The following NBAS variants were observed in gnomAD, a reference collection of about 807,000 sequenced individuals.
NBAS encodes NAG/BC035112 fusion.
A neutral mutation model predicts 302.5 loss-of-function variants in NBAS; 219 were observed. The observed-to-expected ratio is 0.72, with a 90% confidence interval of 0.65 to 0.81. The LOEUF (loss-of-function observed/expected upper bound fraction) is 0.81, where lower values mean the gene tolerates loss of function less well. NBAS is among the 30% of genes least tolerant of loss of function. NBAS has a pLI of 0.00. For missense variants in NBAS, 2,932 were observed against 2,841.6 expected (o/e 1.03, Z -0.72); for synonymous variants, 1,118 against 1,021.6 (o/e 1.09, Z -1.80).
the NBAS span, among the ~76,000 whole-genome samples, chr2:14,879,009 C>G: frequency 6.6e-6 from 1 of 152,156 alleles, no homozygotes; most frequent in African/African-American, 2.4e-5. Context: ...TCACTATATC[C>G]ATAGTTTTCA....
intron 11 of NBAS, among the ~76,000 whole-genome samples, chr2:15,497,322 T>C (rs1317695785): frequency 6.6e-6 from 1 of 152,244 alleles, no homozygotes; most frequent in Non-Finnish European, 1.5e-5. Flanking sequence ...ACTGATTAAG[T>C]ATCTGCTAAT....
chr2:15,186,719 A>C (rs1338766837), intron 50 of NBAS, 23 bp downstream of exon 50: 3 of 1,613,718 alleles, frequency 1.9e-6, no homozygotes, highest in Non-Finnish European at 2.5e-6. Flanking sequence ...CTCCTTAGGA[A>C]AGCACTCAAA....
chr2:14,795,034 G>T, the NBAS span, among the ~76,000 whole-genome samples: 1 of 151,920 alleles, frequency 6.6e-6, no homozygotes. Context: ...CCAGTTTTTG[G>T]TTATTTCATA....
the NBAS span, among the ~76,000 whole-genome samples, chr2:14,797,379 G>A: frequency 6.6e-6 from 1 of 152,210 alleles, no homozygotes; most frequent in Non-Finnish European, 1.5e-5. Context: ...CCCTCTGCCA[G>A]CACTGGGCAT....
chr2:14,780,555 C>G, the NBAS span, among the ~76,000 whole-genome samples: 1 of 152,222 alleles, frequency 6.6e-6, no homozygotes, highest in Non-Finnish European at 1.5e-5. Context: ...TAATCGTTCA[C>G]TCTCCTCAAT....
chr2:15,460,241 T>C (rs1402925282), intron 21 of NBAS, among the ~76,000 whole-genome samples: 6 of 152,232 alleles, frequency 3.9e-5, no homozygotes, highest in Non-Finnish European at 7.3e-5. Context: ...CAGTATACTA[T>C]AGTTAACAAG....
At chr2:14,812,400 A>G in the NBAS span, among the ~76,000 whole-genome samples, 1 of 152,164 alleles carries the variant, frequency 6.6e-6, no homozygotes, top group Non-Finnish European at 1.5e-5. Context: ...GAGATACTAG[A>G]CTTCTACAAG....
At chr2:14,779,135 C>G in the NBAS span, among the ~76,000 whole-genome samples, 1 of 152,048 alleles carries the variant, frequency 6.6e-6, no homozygotes, top group Non-Finnish European at 1.5e-5. Context: ...AGCAGAACAC[C>G]AATATCCAGG....
chr2:14,952,710 G>A, the NBAS span, among the ~76,000 whole-genome samples: 1 of 152,166 alleles, frequency 6.6e-6, no homozygotes, highest in Non-Finnish European at 1.5e-5. Flanking sequence ...TTCCCAGCAG[G>A]GAGTCTTTTC....
chr2:14,808,055 A>G, the NBAS span, among the ~76,000 whole-genome samples: 5 of 152,176 alleles, frequency 3.3e-5, no homozygotes, highest in African/African-American at 7.2e-5. Flanking sequence ...AGTTATTTCA[A>G]ATATTATAGC....
chr2:15,038,657 A>G, the NBAS span, among the ~76,000 whole-genome samples: 1 of 152,080 alleles, frequency 6.6e-6, no homozygotes, highest in Non-Finnish European at 1.5e-5. Flanking sequence ...GGGTTTGCAG[A>G]GTGAACAGTA....
intron 25 of NBAS, among the ~76,000 whole-genome samples, chr2:15,404,720 C>T (rs947263334): frequency 4.6e-5 from 7 of 151,816 alleles, no homozygotes; most frequent in Non-Finnish European, 1.0e-4. Context: ...ACCATGTTGG[C>T]CAGGCTGGTT....
At chr2:15,556,014 C>T (rs1176289578) in intron 3 of NBAS, among the ~76,000 whole-genome samples, 1 of 152,060 alleles carries the variant, frequency 6.6e-6, no homozygotes, top group Non-Finnish European at 1.5e-5. Context: ...TTGCTCTATC[C>T]TATCATATCC....
chr2:15,518,952 C>A (rs1161405837), intron 9 of NBAS, among the ~76,000 whole-genome samples: 1 of 152,104 alleles, frequency 6.6e-6, no homozygotes, highest in East Asian at 1.9e-4. Flanking sequence ...CAATCATCTC[C>A]CACCAGGTCC....
At chr2:15,378,101 A>G (rs996455953) in intron 30 of NBAS, among the ~76,000 whole-genome samples, 2 of 152,220 alleles carry the variant, frequency 1.3e-5, no homozygotes, top group African/African-American at 2.4e-5. Context: ...AAGAGATTCT[A>G]CCTTTCTTCA....
chr2:15,467,924 T>G (rs1220749637), intron 17 of NBAS, 120 bp from the exon 18 acceptor site: 6 of 957,428 alleles, frequency 6.3e-6, no homozygotes, highest in Non-Finnish European at 9.3e-6. Flanking sequence ...AGAAAGTATT[T>G]GAAAAAAACT....
At chr2:14,984,221 C>G in the NBAS span, among the ~76,000 whole-genome samples, 1 of 152,112 alleles carries the variant, frequency 6.6e-6, no homozygotes, top group Non-Finnish European at 1.5e-5. Flanking sequence ...CTAGTTTCAT[C>G]CTTTAACTCC....
chr2:15,217,231 A>G (rs1666692430), intron 48 of NBAS, among the ~76,000 whole-genome samples: 8 of 152,212 alleles, frequency 5.3e-5, no homozygotes, highest in Admixed American at 5.2e-4. Context: ...CAGAGAGAGT[A>G]TGATTCTGAT....
intron 44 of NBAS, among the ~76,000 whole-genome samples, chr2:15,240,520 G>A (rs904282675): frequency 3.3e-5 from 5 of 151,818 alleles, no homozygotes; most frequent in African/African-American, 9.7e-5. Context: ...AGGAGGCTGC[G>A]GCAGGAGAAT....
Sources: gnomAD v4.1 joint callset for allele counts (sites outside exome capture counted in the v4.1 genomes callset) on GRCh38, gnomAD v4.1.1 for gene constraint, MANE v1.5 for transcripts, NCBI Gene and HGNC (gene_info 2026-07-23, HGNC 2026-07-21) for gene names.